The following RBFOX3 variants were observed in gnomAD, a reference collection of about 807,000 sequenced individuals.
RBFOX3 encodes RNA binding fox-1 homolog 3, also known as RNA binding protein fox-1 homolog 3.
RBFOX3 carries 17 observed loss-of-function variants against 48.7 expected under a neutral mutation model. The observed-to-expected ratio is 0.35, with a 90% CI of 0.24 to 0.52. The LOEUF (loss-of-function observed/expected upper bound fraction) is 0.52, where lower values mean the gene tolerates loss of function less well. Among genes scored for constraint, RBFOX3 ranks in the 20% least tolerant of loss-of-function variants. RBFOX3 has a pLI of 0.94. For missense variants in RBFOX3, 382 were observed against 497.5 expected, an observed-to-expected ratio of 0.77 and a Z score of 2.21; for synonymous variants, 212 against 209.5, an observed-to-expected ratio of 1.01 and a Z score of -0.10.
At chr17:79,644,544 CAAGATCAT>C in the RBFOX3 span, among the ~76,000 whole-genome samples, 3 of 152,130 alleles carry the variant, frequency 2.0e-5, no homozygotes, top group African/African-American at 7.2e-5. Context: ...GTGTATTTAT[CAAGATCAT>C]AATATACGTA....
intron 1 of RBFOX3, among the ~76,000 whole-genome samples, chr17:79,596,884 TG>T (rs1283842851): frequency 6.6e-6 from 1 of 152,204 alleles, no homozygotes; most frequent in Non-Finnish European, 1.5e-5. Context: ...ACGTCCCACT[TG>T]CTCACCGCCT....
intron 2 of RBFOX3, among the ~76,000 whole-genome samples, chr17:79,341,425 T>C (rs1426292182): frequency 2.0e-5 from 3 of 152,226 alleles, no homozygotes; most frequent in Non-Finnish European, 2.9e-5. Flanking sequence ...CCATTATTCA[T>C]ATACCTATCA....
At chr17:79,250,568 A>G (rs778568116) in intron 3 of RBFOX3, among the ~76,000 whole-genome samples, 22 of 152,196 alleles carry the variant, frequency 1.4e-4, no homozygotes, top group Non-Finnish European at 3.1e-4. Flanking sequence ...TGCTTGGCCG[A>G]TACTCAATGA....
At chr17:79,093,285 C>G (rs2074347154) in intron 14 of RBFOX3, among the ~76,000 whole-genome samples, 1 of 152,218 alleles carries the variant, frequency 6.6e-6, no homozygotes, top group South Asian at 2.1e-4. Context: ...ACCCTCCCAC[C>G]ACCCAGTTTT....
At chr17:79,546,830 C>T (rs935031152) in intron 1 of RBFOX3, among the ~76,000 whole-genome samples, 7 of 151,954 alleles carry the variant, frequency 4.6e-5, no homozygotes, top group Admixed American at 2.6e-4. Flanking sequence ...CCACCACACC[C>T]GGCTAATTTT....
At chr17:79,517,718 C>G (rs1486782556) in intron 1 of RBFOX3, among the ~76,000 whole-genome samples, 1 of 152,196 alleles carries the variant, frequency 6.6e-6, no homozygotes, top group East Asian at 1.9e-4. Flanking sequence ...GGGAAAAACC[C>G]CACGGTCATT....
At chr17:79,575,089 A>G (rs2092813567) in intron 1 of RBFOX3, among the ~76,000 whole-genome samples, 1 of 152,192 alleles carries the variant, frequency 6.6e-6, no homozygotes, top group South Asian at 2.1e-4. Flanking sequence ...CTAGGTTCTG[A>G]AGGCAGCCTG....
intron 1 of RBFOX3, among the ~76,000 whole-genome samples, chr17:79,502,469 T>G (rs2082514285): frequency 6.6e-6 from 1 of 152,238 alleles, no homozygotes; most frequent in Non-Finnish European, 1.5e-5. Flanking sequence ...TCACTTAATG[T>G]CACTGAACGG....
the RBFOX3 span, among the ~76,000 whole-genome samples, chr17:79,663,319 C>A: frequency 3.9e-5 from 6 of 152,154 alleles, no homozygotes; most frequent in Admixed American, 6.5e-5. Flanking sequence ...GTGACTGATG[C>A]CAGGAAGAAT....
At chr17:79,518,026 G>T (rs1296630136) in intron 1 of RBFOX3, among the ~76,000 whole-genome samples, 1 of 152,144 alleles carries the variant, frequency 6.6e-6, no homozygotes, top group East Asian at 1.9e-4. Flanking sequence ...TAATTAAACA[G>T]TATCCACAGG....
Position 79,123,930 on chromosome 17 carries a change from C to T in RBFOX3, c.-33-8182G>A, listed in dbSNP as rs374604442. On this transcript the variant is annotated intron_variant, in intron 4 of 14. Transcript: ENST00000693108. ...TCCTCCATGTGGTCGGTACCACGAACGCCATTTTTACAGAGGGGCCAAGGT... is the reference window on the plus strand; with the variant it reads ...TCCTCCATGTGGTCGGTACCACGAATGCCATTTTTACAGAGGGGCCAAGGT... Among the ~76,000 whole-genome samples, 18 of 152,314 alleles carry T rather than the reference C, an allele frequency of 1.2e-4. No individual in the cohort carries two copies. The South Asian group carries it at 2.1e-3, about 18-fold the overall frequency.
chr17:79,150,668 G>A (rs917678389), intron 4 of RBFOX3, among the ~76,000 whole-genome samples: 11 of 152,130 alleles, frequency 7.2e-5, no homozygotes, highest in African/African-American at 1.7e-4. Context: ...AGGGGCAGGG[G>A]CAACAGATTC....
At chr17:79,634,399 C>T in the RBFOX3 span, among the ~76,000 whole-genome samples, 1 of 152,224 alleles carries the variant, frequency 6.6e-6, no homozygotes, top group African/African-American at 2.4e-5. Context: ...TCCGCCCCTG[C>T]TGTCCTCAAG....
chr17:79,164,282 C>T (rs952419429), intron 4 of RBFOX3, among the ~76,000 whole-genome samples: 2 of 152,276 alleles, frequency 1.3e-5, no homozygotes, highest in African/African-American at 2.4e-5. Context: ...AAGGTTAGGG[C>T]ATAGTGGGGA....
intron 5 of RBFOX3, among the ~76,000 whole-genome samples, chr17:79,112,911 G>A (rs1271133864): frequency 1.5e-5 from 2 of 136,588 alleles, no homozygotes; most frequent in South Asian, 5.1e-4. Flanking sequence ...TCTCGGGGGG[G>A]GGGTGGGCTG....
At chr17:79,189,234 T>C (rs1354544946) in intron 4 of RBFOX3, among the ~76,000 whole-genome samples, 1 of 152,182 alleles carries the variant, frequency 6.6e-6, no homozygotes, top group Non-Finnish European at 1.5e-5. Flanking sequence ...ACAAGTTAGG[T>C]AGGGAAGGTG....
At chr17:79,447,177 T>C (rs2072502533) in intron 2 of RBFOX3, among the ~76,000 whole-genome samples, 1 of 152,212 alleles carries the variant, frequency 6.6e-6, no homozygotes, top group South Asian at 2.1e-4. Flanking sequence ...AGACCTGAAG[T>C]TCTGTAACCC....
chr17:79,577,405 C>A (rs949046014), intron 1 of RBFOX3, among the ~76,000 whole-genome samples: 1 of 152,166 alleles, frequency 6.6e-6, no homozygotes, highest in East Asian at 1.9e-4. Flanking sequence ...CACGCACGGG[C>A]AGACTCAATT....
At chr17:79,285,892 A>G (rs2071751622) in intron 3 of RBFOX3, among the ~76,000 whole-genome samples, 1 of 152,178 alleles carries the variant, frequency 6.6e-6, no homozygotes, top group African/African-American at 2.4e-5. Context: ...CATGTTGAGC[A>G]GGCTGGTCTT....
Sources: gnomAD v4.1 joint callset for allele counts (sites outside exome capture counted in the v4.1 genomes callset) on GRCh38, gnomAD v4.1.1 for gene constraint, MANE v1.5 for transcripts, NCBI Gene and HGNC (gene_info 2026-07-23, HGNC 2026-07-21) for gene names.